Variants in MSI2 observed in about 807,000 individuals in gnomAD.
MSI2 encodes RNA-binding protein Musashi homolog 2.
Under a neutral mutation model 45.6 loss-of-function variants are expected in MSI2, and 17 were observed. The ratio of observed to expected loss-of-function variants is 0.37; its 90% confidence interval spans 0.26 to 0.56. The LOEUF (loss-of-function observed/expected upper bound fraction) is 0.56. Among genes scored for constraint, MSI2 ranks in the 20% least tolerant of loss-of-function variants. MSI2 has a pLI of 0.77. For missense variants in MSI2, 293 were observed against 444.2 expected (o/e 0.66, Z 3.06); for synonymous variants, 156 against 158.2 (o/e 0.99, Z 0.11).
At position 57,627,749 on chromosome 17, in the gene MSI2, C is replaced by G. The variant is rs1908944753; in HGVS notation, c.727+446C>G. On this transcript the variant is annotated intron_variant, in intron 10 of 13. Transcript: ENST00000284073. The surrounding 1 kb of genome is among the most constrained non-coding windows in gnomAD (Gnocchi z 4.6). The stretch of plus-strand genomic sequence containing the variant: ...TTCCTTTCCTCCACCCCTCCTCCTC[C>G]TGCTCCGTCCTGACTGCTGTGGCTT... The G allele has an allele frequency of 4.8e-6, 1 of 209,834 alleles. No homozygotes were observed. Among genetic ancestry groups the G allele is most frequent in the Non-Finnish European group, 9.6e-6 (1 of 103,812 alleles). The allele number at this position is 209,834 out of a possible 1,614,324, so 13.0% of individuals were successfully genotyped here. A position where few individuals can be genotyped will look rare whatever the true frequency, so the allele number is the denominator to read the frequency against.
intron 6 of MSI2, chr17:57,522,278 T>G (rs1302164790): frequency 1.3e-5 from 2 of 152,226 alleles, no homozygotes; most frequent in African/African-American, 4.8e-5. Flanking sequence ...ATACTAACAC[T>G]TGGAGCGTTT....
chr17:57,306,231 C>A (rs796561625), intron 5 of MSI2, among the ~76,000 whole-genome samples: 1 of 151,998 alleles, frequency 6.6e-6, no homozygotes, highest in African/African-American at 2.4e-5. Context: ...TTTCCTTCTC[C>A]TTGTGCCTTA....
intron 6 of MSI2, among the ~76,000 whole-genome samples, chr17:57,474,861 G>A (rs1013237637): frequency 6.6e-6 from 1 of 152,132 alleles, no homozygotes; most frequent in African/African-American, 2.4e-5. Context: ...TGGGATTACA[G>A]GCGTGCACCA....
At chr17:57,292,498 C>T (rs1910509860) in intron 5 of MSI2, among the ~76,000 whole-genome samples, 1 of 152,040 alleles carries the variant, frequency 6.6e-6, no homozygotes, top group Admixed American at 6.5e-5. Flanking sequence ...TGGCAGGGTA[C>T]CTGGAGGAAG....
intron 6 of MSI2, among the ~76,000 whole-genome samples, chr17:57,424,031 A>G (rs557848203): frequency 2.0e-5 from 3 of 152,354 alleles, no homozygotes; most frequent in Non-Finnish European, 4.4e-5. Context: ...TATTATATAC[A>G]TCTCCTGCAG....
chr17:57,678,348 A>G (rs184808858), intron 13 of MSI2, among the ~76,000 whole-genome samples: 110 of 152,334 alleles, frequency 7.2e-4, no homozygotes, highest in Admixed American at 6.8e-3. Flanking sequence ...TGCTGGCCAG[A>G]GCCAGAGGCC....
chr17:57,551,101 C>A (rs937953030), intron 7 of MSI2, among the ~76,000 whole-genome samples: 1 of 152,160 alleles, frequency 6.6e-6, no homozygotes, highest in African/African-American at 2.4e-5. Flanking sequence ...TTGGTTTATT[C>A]AAAGTGGCTT....
chr17:57,600,200 T>G (rs1905709658), intron 8 of MSI2, among the ~76,000 whole-genome samples: 1 of 152,222 alleles, frequency 6.6e-6, no homozygotes, highest in South Asian at 2.1e-4. Context: ...CATGGATGAT[T>G]GTTAGAATGT....
At chr17:57,471,318 T>A (rs1310609845) in intron 6 of MSI2, among the ~76,000 whole-genome samples, 4 of 131,416 alleles carry the variant, frequency 3.0e-5, no homozygotes, top group African/African-American at 5.9e-5. Context: ...TCAGATGGAG[T>A]CTTGGTCTGT....
intron 4 of MSI2, among the ~76,000 whole-genome samples, chr17:57,258,704 T>G (rs1430514161): frequency 6.6e-6 from 1 of 152,178 alleles, no homozygotes; most frequent in African/African-American, 2.4e-5. Flanking sequence ...TTACCAACTG[T>G]GGCTGTGGGG....
intron 6 of MSI2, among the ~76,000 whole-genome samples, chr17:57,478,318 T>A (rs1002528531): frequency 6.6e-5 from 10 of 152,222 alleles, no homozygotes; most frequent in Admixed American, 3.3e-4. Flanking sequence ...GAATCCTGGG[T>A]GCCCTGCTGG....
At chr17:57,418,722 C>T (rs1445165651) in intron 6 of MSI2, among the ~76,000 whole-genome samples, 7 of 152,176 alleles carry the variant, frequency 4.6e-5, no homozygotes, top group Non-Finnish European at 2.9e-5. Flanking sequence ...AACTTTTATG[C>T]AGCTTTATGC....
chr17:57,425,923 A>T (rs1262590239), intron 6 of MSI2, among the ~76,000 whole-genome samples: 1 of 152,228 alleles, frequency 6.6e-6, no homozygotes, highest in Non-Finnish European at 1.5e-5. Flanking sequence ...TTTGTGCCCA[A>T]GTCTTTCTAA....
chr17:57,343,833 C>T (rs563121632), intron 5 of MSI2, among the ~76,000 whole-genome samples: 1 of 152,186 alleles, frequency 6.6e-6, no homozygotes. Flanking sequence ...AATCCTCCCC[C>T]ACCTTTTCCC....
At chr17:57,677,813 G>C (rs1453148728) in intron 13 of MSI2, among the ~76,000 whole-genome samples, 4 of 152,138 alleles carry the variant, frequency 2.6e-5, no homozygotes, top group African/African-American at 9.7e-5. Context: ...AGGGAGGTTG[G>C]GGCAGTGAGG....
intron 6 of MSI2, among the ~76,000 whole-genome samples, chr17:57,485,527 A>G (rs1213758616): frequency 6.6e-6 from 1 of 152,228 alleles, no homozygotes; most frequent in Non-Finnish European, 1.5e-5. Flanking sequence ...TCCCTAATGC[A>G]TCTTCCTTGC....
chr17:57,597,886 G>C (rs998992279), intron 8 of MSI2, among the ~76,000 whole-genome samples: 5 of 152,210 alleles, frequency 3.3e-5, no homozygotes, highest in Non-Finnish European at 7.3e-5. Flanking sequence ...TTGATCAGCT[G>C]CTTCCTTCCC....
chr17:57,284,747 T>TG (rs1197796274), intron 5 of MSI2, among the ~76,000 whole-genome samples: 1 of 152,152 alleles, frequency 6.6e-6, no homozygotes, highest in African/African-American at 2.4e-5. Flanking sequence ...ATGAGAAGCA[T>TG]GGGGCTTCAT....
At chr17:57,443,448 A>G (rs759380187) in intron 6 of MSI2, among the ~76,000 whole-genome samples, 10 of 152,088 alleles carry the variant, frequency 6.6e-5, no homozygotes, top group Non-Finnish European at 1.5e-4. Context: ...CTGTACCCCA[A>G]CCACCAAAGA....
Sources: allele counts gnomAD v4.1 joint callset (sites outside exome capture counted in the v4.1 genomes callset), GRCh38; gene constraint gnomAD v4.1.1; non-coding constraint Gnocchi (gnomAD v3.1); transcripts MANE v1.5; gene names NCBI Gene and HGNC (gene_info 2026-07-23, HGNC 2026-07-21).